Variants in FGGY observed in about 807,000 individuals in gnomAD.
The protein encoded by FGGY is FGGY carbohydrate kinase domain-containing protein.
In FGGY, 72 loss-of-function variants were observed where a neutral mutation model predicts 71.3. The ratio of observed to expected loss-of-function variants is 1.01; its 90% CI spans 0.84 to 1.23. The LOEUF is 1.23. FGGY is among the 50% of genes most tolerant of loss of function. FGGY has a pLI of 0.00. For missense variants in FGGY, 668 were observed against 682.3 expected (o/e 0.98, Z 0.23); for synonymous variants, 251 against 250.3 (o/e 1.00, Z -0.02).
At chr1:59,558,716 C>T (rs904952877) in intron 8 of FGGY, among the ~76,000 whole-genome samples, 3 of 152,084 alleles carry the variant, frequency 2.0e-5, no homozygotes, top group African/African-American at 4.8e-5. Flanking sequence ...CTCAAATTTA[C>T]CAGGGTGGGT....
At chr1:59,337,246 C>A (rs2049790522) in intron 2 of FGGY, among the ~76,000 whole-genome samples, 1 of 151,932 alleles carries the variant, frequency 6.6e-6, no homozygotes, top group African/African-American at 2.4e-5. Context: ...GCCTGAGAGC[C>A]CCAGGCAGGC....
chr1:59,500,176 G>C (rs913597217), intron 6 of FGGY, among the ~76,000 whole-genome samples: 1 of 152,124 alleles, frequency 6.6e-6, no homozygotes, highest in Non-Finnish European at 1.5e-5. Flanking sequence ...AAATTCCAGG[G>C]TATGCTTGAA....
intron 8 of FGGY, among the ~76,000 whole-genome samples, chr1:59,557,288 G>A (rs1290189263): frequency 1.3e-5 from 2 of 152,182 alleles, no homozygotes. Context: ...ATGATCTGAA[G>A]GATCCTCTTT....
chr1:59,541,849 C>T (rs1034749591), intron 7 of FGGY, among the ~76,000 whole-genome samples: 6 of 152,182 alleles, frequency 3.9e-5, no homozygotes, highest in Non-Finnish European at 8.8e-5. Context: ...TCCATGCTGT[C>T]ACCTACTGTC....
chr1:59,761,334 C>G (rs560732225), intron 15 of FGGY, among the ~76,000 whole-genome samples: 12 of 152,268 alleles, frequency 7.9e-5, no homozygotes, highest in African/African-American at 2.6e-4. Context: ...GTAGGGGACT[C>G]CTACTAACAT....
chr1:59,534,027 T>G (rs1423686077), intron 7 of FGGY, among the ~76,000 whole-genome samples: 1 of 152,166 alleles, frequency 6.6e-6, no homozygotes, highest in Non-Finnish European at 1.5e-5. Context: ...ACGATCAAAT[T>G]ACTCCGAGCT....
chr1:59,642,658 G>A (rs1010485490), intron 11 of FGGY, among the ~76,000 whole-genome samples: 2 of 149,758 alleles, frequency 1.3e-5, no homozygotes, highest in Non-Finnish European at 3.0e-5. Flanking sequence ...CAAATCATGT[G>A]TACTGTATGC....
At chr1:59,472,398 C>T (rs981289392) in intron 6 of FGGY, among the ~76,000 whole-genome samples, 4 of 152,206 alleles carry the variant, frequency 2.6e-5, no homozygotes, top group African/African-American at 9.6e-5. Context: ...GGGCCCGAGC[C>T]TCCCTGACGA....
chr1:59,396,355 A>G (rs2061326571), intron 5 of FGGY, among the ~76,000 whole-genome samples: 1 of 152,170 alleles, frequency 6.6e-6, no homozygotes, highest in African/African-American at 2.4e-5. Flanking sequence ...AGAAATTTTG[A>G]AGGTTTCAGG....
chr1:59,447,763 G>A (rs903981302), intron 5 of FGGY, among the ~76,000 whole-genome samples: 5 of 152,166 alleles, frequency 3.3e-5, no homozygotes, highest in African/African-American at 1.2e-4. Flanking sequence ...CCATGATGGT[G>A]TGGCCTCCCC....
At chr1:59,506,295 G>C (rs933161277) in intron 6 of FGGY, among the ~76,000 whole-genome samples, 1 of 151,680 alleles carries the variant, frequency 6.6e-6, no homozygotes, top group Non-Finnish European at 1.5e-5. Context: ...AAATTCTAGG[G>C]TTTTTCTGGA....
chr1:59,698,697 C>T, intron 14 of FGGY: 1 of 941,954 alleles, frequency 1.1e-6, no homozygotes, highest in Non-Finnish European at 1.3e-6. Flanking sequence ...CAGCTGTCCC[C>T]AAAGGGATGA....
intron 5 of FGGY, among the ~76,000 whole-genome samples, chr1:59,446,613 A>C (rs2071304342): frequency 6.6e-6 from 1 of 152,108 alleles, no homozygotes. Context: ...TTTATCTCCC[A>C]ATGAGCTGTA....
chr1:59,358,988 A>AGGTTTCT (rs1431216244), intron 4 of FGGY, among the ~76,000 whole-genome samples: 1 of 152,212 alleles, frequency 6.6e-6, no homozygotes, highest in Non-Finnish European at 1.5e-5. Flanking sequence ...ATGCAAACCC[A>AGGTTTCT]GGTTTCTGAC....
intron 10 of FGGY, among the ~76,000 whole-genome samples, chr1:59,634,957 C>T (rs1052010785): frequency 6.6e-6 from 1 of 152,136 alleles, no homozygotes; most frequent in African/African-American, 2.4e-5. Flanking sequence ...ATGTGGACAG[C>T]AAAAGTTTCT....
At chr1:59,428,373 T>A (rs1020221765) in intron 5 of FGGY, among the ~76,000 whole-genome samples, 1 of 152,214 alleles carries the variant, frequency 6.6e-6, no homozygotes, top group African/African-American at 2.4e-5. Flanking sequence ...GTGATGGAGC[T>A]GGAATTCAAA....
At chr1:59,497,078 C>A (rs952641550) in intron 6 of FGGY, among the ~76,000 whole-genome samples, 2 of 152,156 alleles carry the variant, frequency 1.3e-5, no homozygotes, top group Non-Finnish European at 2.9e-5. Flanking sequence ...GAGTAGGTGA[C>A]CCCTGAATTG....
chr1:59,741,691 C>T (rs1159274785), intron 14 of FGGY, among the ~76,000 whole-genome samples: 1 of 152,042 alleles, frequency 6.6e-6, no homozygotes, highest in East Asian at 1.9e-4. Flanking sequence ...GGCTGACACA[C>T]TTTGGGAGGC....
intron 1 of FGGY, among the ~76,000 whole-genome samples, chr1:59,311,100 C>A (rs1382917416): frequency 6.6e-6 from 1 of 152,134 alleles, no homozygotes; most frequent in African/African-American, 2.4e-5. Context: ...TAATGATCAT[C>A]TGAAAAGGCT....
Sources: allele counts gnomAD v4.1 joint callset (sites outside exome capture counted in the v4.1 genomes callset), GRCh38; gene constraint gnomAD v4.1.1; transcripts MANE v1.5; gene names NCBI Gene and HGNC (gene_info 2026-07-23, HGNC 2026-07-21).